Variants in TSTD2 observed in about 807,000 individuals in gnomAD.
TSTD2 encodes the protein thiosulfate sulfurtransferase/rhodanese-like domain-containing protein 2.
A neutral mutation model predicts 47.9 loss-of-function variants in TSTD2; 37 were observed. The observed-to-expected ratio is 0.77, with a 90% CI of 0.59 to 1.02. TSTD2 has a LOEUF of 1.02. TSTD2 is among the 50% of genes least tolerant of loss of function. The probability of loss-of-function intolerance (pLI) is 0.00; values close to 1 mark genes in which losing one functional copy is unlikely to be tolerated. For synonymous variants in TSTD2, 201 were observed against 215.9 expected, an observed-to-expected ratio of 0.93 and a Z score of 0.61; for missense variants, 586 against 616.0, an observed-to-expected ratio of 0.95 and a Z score of 0.52.
At chr9:97,619,687 G>C (rs1277622598) in intron 3 of TSTD2, among the ~76,000 whole-genome samples, 1 of 151,774 alleles carries the variant, frequency 6.6e-6, no homozygotes, top group Non-Finnish European at 1.5e-5. Flanking sequence ...CTTTAATACA[G>C]TATACAATAT....
intron 6 of TSTD2, among the ~76,000 whole-genome samples, chr9:97,608,914 C>T (rs1826412306): frequency 6.6e-6 from 1 of 152,096 alleles, no homozygotes; most frequent in Non-Finnish European, 1.5e-5. Flanking sequence ...ACAAAATGAA[C>T]ACCATGGAGT....
intron 6 of TSTD2, among the ~76,000 whole-genome samples, chr9:97,607,963 C>G (rs1279888578): frequency 6.6e-6 from 1 of 152,152 alleles, no homozygotes; most frequent in East Asian, 1.9e-4. Flanking sequence ...AGGTGAATCA[C>G]TTGAGGCCAG....
At chr9:97,611,505 C>T in intron 5 of TSTD2, 69 bp downstream of exon 5, 2 of 1,495,184 alleles carry the variant, frequency 1.3e-6, no homozygotes, top group Non-Finnish European at 1.8e-6. Flanking sequence ...CTTTGAACTC[C>T]TCTTCAATAA....
chr9:97,607,368 A>C (rs931190724), intron 6 of TSTD2, among the ~76,000 whole-genome samples: 2 of 152,080 alleles, frequency 1.3e-5, no homozygotes, highest in Non-Finnish European at 2.9e-5. Context: ...GTTACCTACC[A>C]CTCATGATAA....
intron 9 of TSTD2, among the ~76,000 whole-genome samples, chr9:97,603,472 G>A (rs999592746): frequency 6.6e-6 from 1 of 152,094 alleles, no homozygotes; most frequent in Non-Finnish European, 1.5e-5. Flanking sequence ...CTTTCTACTT[G>A]TTTAGAATTT....
Position 97,633,343 on chromosome 9 carries a change from T to G in TSTD2, c.-151A>C, listed in dbSNP as rs1246994134. On this transcript the variant is annotated 5_prime_UTR_variant, in exon 1 of 10. Transcript: ENST00000341170. ...CTCGAGCCTATTCCCCCGCCGCGTA[T>G]TTGGGTAGAAAAGCTCGCTCGTGAC... 8.5e-6 allele frequency: 3 copies of G among 351,164 alleles called. No individual in the cohort carries two copies. The highest frequency in any genetic ancestry group is 5.1e-6 in the Non-Finnish European group (1 of 196,128). The allele number at this position is 351,164 out of a possible 1,614,324, so 21.8% of individuals were successfully genotyped here.
chr9:97,602,322 C>A lies in TSTD2; in HGVS notation c.*147G>T. 1 of 916,464 alleles carries A rather than the reference C, an allele frequency of 1.1e-6. No homozygotes were observed. The highest frequency in any genetic ancestry group is 1.6e-6 in the Non-Finnish European group (1 of 627,254). The allele number at this position is 916,464 out of a possible 1,614,324, so 56.8% of individuals were successfully genotyped here. On this transcript the variant is annotated 3_prime_UTR_variant, in exon 10 of 10. Transcript: ENST00000341170. ...AGACAACGTGACTCCTCCCCTCCCG[C>A]TGTGAAGTGTAGACGGCTGCCACGG...
chr9:97,617,541 GA>G (rs1219836722), intron 4 of TSTD2, among the ~76,000 whole-genome samples: 1 of 152,184 alleles, frequency 6.6e-6, no homozygotes, highest in Non-Finnish European at 1.5e-5. Flanking sequence ...GGTTCTTCAA[GA>G]AAAAGTTTGC....
intron 3 of TSTD2, among the ~76,000 whole-genome samples, chr9:97,622,871 T>C (rs1419997824): frequency 6.6e-6 from 1 of 152,244 alleles, no homozygotes; most frequent in Non-Finnish European, 1.5e-5. Context: ...TATGCCCCCA[T>C]TGTATCTAGG....
intron 1 of TSTD2, 88 bp from the exon 2 acceptor site, chr9:97,627,700 G>A (rs1826744400): frequency 1.2e-6 from 1 of 821,758 alleles, no homozygotes; most frequent in African/African-American, 1.7e-5. Flanking sequence ...AAATCAGCAT[G>A]GGCAAAGTAG....
intron 2 of TSTD2, 86 bp from the exon 3 acceptor site, chr9:97,626,083 C>T: frequency 1.5e-6 from 2 of 1,313,374 alleles, no homozygotes; most frequent in Non-Finnish European, 2.1e-6. Flanking sequence ...TTTAGATTAT[C>T]TTTCCACAGG....
intron 3 of TSTD2, among the ~76,000 whole-genome samples, chr9:97,624,510 T>C (rs548636657): frequency 6.6e-6 from 1 of 152,292 alleles, no homozygotes; most frequent in South Asian, 2.1e-4. Flanking sequence ...CTGAATTTGG[T>C]ACATAGCAAT....
chr9:97,610,617 ATACT>A (rs1397892522), intron 5 of TSTD2, among the ~76,000 whole-genome samples, 166 bp from the exon 6 acceptor site: 1 of 152,230 alleles, frequency 6.6e-6, no homozygotes, highest in Non-Finnish European at 1.5e-5. Flanking sequence ...ACATTGATAA[ATACT>A]TACTGCATAC....
At position 97,601,163 on chromosome 9, in the gene TSTD2, AT is replaced by A. The variant is rs968934473; in HGVS notation, c.*1305del. 1.5e-6 allele frequency: 2 copies of A among 1,301,760 alleles called. No homozygotes were observed. The highest frequency in any genetic ancestry group is 3.0e-5 in the African/African-American group (2 of 65,768). 80.6% of individuals were successfully genotyped at this position (1,301,760 alleles called of 1,614,324 possible). ...GTGGCACCATGTTGCAGGGACAACC[AT>A]CCCCATTTGGCTTCTCCTTAAAACA... is the stretch of plus-strand genomic sequence containing the variant. On this transcript the variant is annotated 3_prime_UTR_variant, in exon 10 of 10. Coordinates refer to ENST00000341170, the MANE Select transcript of TSTD2 (RefSeq NM_139246.5).
intron 3 of TSTD2, among the ~76,000 whole-genome samples, chr9:97,625,199 T>C (rs920510944): frequency 1.3e-5 from 2 of 152,252 alleles, no homozygotes; most frequent in African/African-American, 2.4e-5. Context: ...ATGTATTGTC[T>C]GGCTATTTTC....
intron 1 of TSTD2, among the ~76,000 whole-genome samples, chr9:97,628,024 T>C (rs1370943797): frequency 1.3e-5 from 2 of 152,064 alleles, no homozygotes; most frequent in Non-Finnish European, 2.9e-5. Context: ...AAACCTGAAT[T>C]AGGGAGCGAG....
intron 4 of TSTD2, among the ~76,000 whole-genome samples, chr9:97,617,099 T>C (rs1587980160): frequency 6.6e-6 from 1 of 152,322 alleles, no homozygotes; most frequent in East Asian, 1.9e-4. Flanking sequence ...TAGTAATAAA[T>C]CCTTTGAAAA....
chr9:97,632,302 A>G (rs1410460245), intron 1 of TSTD2, among the ~76,000 whole-genome samples: 1 of 152,190 alleles, frequency 6.6e-6, no homozygotes, highest in African/African-American at 2.4e-5. Flanking sequence ...AAGAACAGAA[A>G]GAGTGGTTGG....
rs754724773 is a variant in TSTD2 at position 97,605,624 on chromosome 9, G to T, written c.972C>A (p.Cys324Ter). ...YESKIGRFQG[C>*]LAPDIRKFSY... The stretch of plus-strand genomic sequence containing the variant: ...TGAATTTCCTGATGTCTGGGGCTAA[G>T]CAGCCTTGGAATCGTCCCTGTAACA... The change falls in exon 8 of 10, where the codon TGC (cysteine) becomes TGA (stop). Residue 324 changes from cysteine to a stop codon, truncating the protein, a stop_gained. Transcript: ENST00000341170. LOFTEE classifies it high-confidence loss of function. 6.2e-7 allele frequency: 1 copy of T among 1,614,240 alleles called. No homozygotes were observed. The highest frequency in any genetic ancestry group is 1.1e-5 in the South Asian group (1 of 91,084).
Sources: gnomAD v4.1 joint callset for allele counts (sites outside exome capture counted in the v4.1 genomes callset) on GRCh38, gnomAD v4.1.1 for gene constraint, MANE v1.5 for transcripts, NCBI Gene and HGNC (gene_info 2026-07-23, HGNC 2026-07-21) for gene names.